Variants in STK36 observed in about 807,000 individuals in gnomAD.
The protein encoded by STK36 is serine/threonine kinase 36.
Under a neutral mutation model 142.2 loss-of-function variants are expected in STK36, and 116 were observed. The ratio of observed to expected loss-of-function variants is 0.82; its 90% CI spans 0.70 to 0.95. The LOEUF is 0.95. Among genes scored for constraint, STK36 ranks in the 40% least tolerant of loss-of-function variants. STK36 has a pLI of 0.00. For missense variants in STK36, 1,422 were observed against 1,617.2 expected (o/e 0.88, Z 2.07); for synonymous variants, 619 against 641.7 (o/e 0.96, Z 0.53).
rs573723267 is a variant in STK36, at chr2:218,702,493, A to G, written c.*484A>G. 1 of 154,082 alleles carries G rather than the reference A, an allele frequency of 6.5e-6. No homozygotes were observed. The highest frequency in any genetic ancestry group is 2.4e-5 in the African/African-American group (1 of 41,576). 9.5% of individuals were successfully genotyped at this position (154,082 alleles called of 1,614,324 possible). A position where few individuals can be genotyped will look rare whatever the true frequency, so the allele number is the denominator to read the frequency against. ...TTATTGAGGGATTATCCCTTAGCCA[A>G]CATTCCTATCTGTGGGTGGGCGTGG... On this transcript the variant is annotated 3_prime_UTR_variant, in exon 27 of 27. Coordinates refer to ENST00000295709, the MANE Select transcript of STK36 (RefSeq NM_015690.5).
Position 218,694,042 on chromosome 2 carries a change from C to A in STK36, c.2336+59C>A. Reference sequence around the variant, plus strand: ...CTTCTAGCCACATAGCTAACCCTCACAAAGAGTATGGGGAATGGTACCCTA... The same window carrying A: ...CTTCTAGCCACATAGCTAACCCTCAAAAAGAGTATGGGGAATGGTACCCTA... On this transcript the variant is annotated intron_variant, in intron 19 of 26. Transcript: ENST00000295709. The surrounding 1 kb of genome is among the most constrained non-coding windows in gnomAD (Gnocchi z 4.4). 1 of 1,522,068 alleles carries A rather than the reference C, an allele frequency of 6.6e-7. No homozygotes were observed. The highest frequency in any genetic ancestry group is 2.3e-5 in the East Asian group (1 of 44,400). 94.3% of individuals were successfully genotyped at this position (1,522,068 alleles called of 1,614,324 possible). A position where few individuals can be genotyped will look rare whatever the true frequency, so the allele number is the denominator to read the frequency against.
At chr2:218,698,045 AC>A (rs1340916668) in intron 25 of STK36, 44 bp downstream of exon 25, 6 of 1,611,934 alleles carry the variant, frequency 3.7e-6, no homozygotes, top group Middle Eastern at 3.3e-4. Flanking sequence ...AAGATAGCCA[AC>A]CTTGTATCCT....
rs1403502728 is a variant in STK36 at position 218,679,791 on chromosome 2, GAGGGTGACTTTCTAGGGTTGGAGA to G, written c.948+67_949-74del. On this transcript the variant is annotated intron_variant, in intron 8 of 26. Transcript: ENST00000295709. Reference sequence around the variant, plus strand: ...GCTAGTGACTGGGGAGTTAGAGGAGGAGGGTGACTTTCTAGGGTTGGAGAAGGGCCGTGAATAGCATTCATATTG... The same window carrying G: ...GCTAGTGACTGGGGAGTTAGAGGAGGAGGGCCGTGAATAGCATTCATATTG... The G allele has an allele frequency of 1.9e-6, 3 of 1,610,268 alleles. No homozygotes were observed. The African/African-American group carries it at 4.0e-5, about 22-fold the overall frequency.
chr2:218,691,811 G>A (rs1350967048), intron 14 of STK36, among the ~76,000 whole-genome samples: 1 of 152,108 alleles, frequency 6.6e-6, no homozygotes, highest in Admixed American at 6.5e-5. Context: ...ACCTGCCTCG[G>A]CCTCCCAATC....
In STK36 at chr2:218,673,643, A is replaced by C; in HGVS notation, c.103A>C (p.Ile35Leu). ...CTGACAGGTCGTGGCCCTGAAGTTCATCCCAAAATTGGGGCGCTCAGAGAA... is the reference window on the plus strand; with the variant it reads ...CTGACAGGTCGTGGCCCTGAAGTTCCTCCCAAAATTGGGGCGCTCAGAGAA... ...YSAQVVALKF[I>L]PKLGRSEKEL... Residue 35 changes from isoleucine (I) to leucine (L), a missense_variant, in exon 3 of 27, where the codon ATC (isoleucine) becomes CTC (leucine). By Grantham distance (5) the Ile-to-Leu change is conservative. This residue lies in a region of STK36 where 460 missense variants were observed against 449.6 expected (regional missense o/e 1.02). Transcript: ENST00000295709. The C allele has an allele frequency of 6.2e-7, 1 of 1,614,124 alleles. No homozygotes were observed. The highest frequency in any genetic ancestry group is 8.5e-7 in the Non-Finnish European group (1 of 1,180,012).
Position 218,694,218 on chromosome 2 carries a change from C to G in STK36, c.2337-46C>G. The G allele has an allele frequency of 6.5e-7, 1 of 1,544,762 alleles. No individual in the cohort carries two copies. The highest frequency in any genetic ancestry group is 9.0e-7 in the Non-Finnish European group (1 of 1,117,130). Reference sequence around the variant, plus strand: ...AGGGAGAGGGGAGGCCGCTTACCAACCTCCTTTAATACTGCTGCATCCCTT... The same window carrying G: ...AGGGAGAGGGGAGGCCGCTTACCAAGCTCCTTTAATACTGCTGCATCCCTT... On this transcript the variant is annotated intron_variant, in intron 19 of 26. Transcript: ENST00000295709. The surrounding 1 kb of genome is among the most constrained non-coding windows in gnomAD (Gnocchi z 4.4).
At chr2:218,684,914 A>G (rs932661152) in intron 10 of STK36, 171 bp from the exon 11 acceptor site, 2 of 725,194 alleles carry the variant, frequency 2.8e-6, no homozygotes, top group African/African-American at 3.6e-5. Context: ...GACCCCTCAC[A>G]GACTGCCAGC....
At chr2:218,673,520 C>CT (rs1280571767) in intron 2 of STK36, 105 bp from the exon 3 acceptor site, 7 of 1,433,356 alleles carry the variant, frequency 4.9e-6, no homozygotes, top group Non-Finnish European at 6.5e-6. Flanking sequence ...AAGAGTTACT[C>CT]AAACACTCTA....
chr2:218,682,826 C>T (rs1940587205), intron 10 of STK36, among the ~76,000 whole-genome samples: 1 of 152,058 alleles, frequency 6.6e-6, no homozygotes, highest in Non-Finnish European at 1.5e-5. Context: ...CTCCTGGACT[C>T]AAGTGGTCTG....
At chr2:218,686,618 C>T (rs557436538) in intron 11 of STK36, among the ~76,000 whole-genome samples, 54 of 152,186 alleles carry the variant, frequency 3.5e-4, no homozygotes, top group Middle Eastern at 3.4e-3. Flanking sequence ...GTTAGTATTC[C>T]GTTATATGGA....
At chr2:218,688,900 T>C (rs376371417) in intron 12 of STK36, 24 bp downstream of exon 12, 25 of 1,569,980 alleles carry the variant, frequency 1.6e-5, no homozygotes, top group South Asian at 5.9e-5. Flanking sequence ...CAGAAGCCTC[T>C]GAAGACTTAC....
intron 1 of STK36, 49 bp from the exon 2 acceptor site, chr2:218,672,692 A>T: frequency 1.3e-6 from 1 of 745,212 alleles, no homozygotes; most frequent in Non-Finnish European, 2.3e-6. Flanking sequence ...TGTGAAAAAG[A>T]GGAAAAGGCA....
intron 10 of STK36, among the ~76,000 whole-genome samples, chr2:218,680,969 C>T (rs1478206286): frequency 1.3e-5 from 2 of 152,206 alleles, no homozygotes; most frequent in African/African-American, 4.8e-5. Context: ...TCCTCCCAAA[C>T]TTTCTGTAAT....
chr2:218,685,733 T>C (rs1402695436), intron 11 of STK36, among the ~76,000 whole-genome samples: 1 of 152,190 alleles, frequency 6.6e-6, no homozygotes, highest in Admixed American at 6.5e-5. Flanking sequence ...CTTACTTTGC[T>C]CCTCTGAAAC....
chr2:218,672,308 G>T (rs1054890940), intron 1 of STK36, 93 bp downstream of exon 1: 4 of 411,280 alleles, frequency 9.7e-6, no homozygotes, highest in Non-Finnish European at 1.8e-5. Flanking sequence ...AAGAGATGGG[G>T]CTAAACGCCA....
intron 15 of STK36, 48 bp from the exon 16 acceptor site, chr2:218,692,535 G>T: frequency 6.3e-7 from 1 of 1,578,242 alleles, no homozygotes; most frequent in South Asian, 1.2e-5. Context: ...CTATTGTCTA[G>T]GGCAAGAGCC....
chr2:218,687,912 C>A (rs568705813), intron 11 of STK36, among the ~76,000 whole-genome samples: 4 of 152,300 alleles, frequency 2.6e-5, no homozygotes, highest in Non-Finnish European at 5.9e-5. Flanking sequence ...AATCCTAGCA[C>A]TTTGGGAGGC....
Position 218,679,882 on chromosome 2 carries a change from A to G in STK36, c.949-11A>G, listed in dbSNP as rs762052560. On this transcript the variant is annotated splice_polypyrimidine_tract_variant and intron_variant, in intron 8 of 26. Transcript: ENST00000295709. ...TAGCTCTGATTCAGTGTTGCCCCCT[A>G]CCTCCCACAGAAACATCAGAACACA... 2 of 1,611,536 alleles carry G rather than the reference A, an allele frequency of 1.2e-6. No individual in the cohort carries two copies. The highest frequency in any genetic ancestry group is 2.2e-5 in the South Asian group (2 of 90,876).
intron 5 of STK36, 108 bp from the exon 6 acceptor site, chr2:218,675,921 T>G (rs1049910901): frequency 9.7e-6 from 14 of 1,436,698 alleles, no homozygotes; most frequent in Non-Finnish European, 1.3e-5. Flanking sequence ...TGGAACCTAA[T>G]CAAAGGTGCT....
Sources: allele counts gnomAD v4.1 joint callset (sites outside exome capture counted in the v4.1 genomes callset), GRCh38; gene constraint gnomAD v4.1.1; regional missense constraint gnomAD v4.1.1; non-coding constraint Gnocchi (gnomAD v3.1); transcripts MANE v1.5; gene names NCBI Gene and HGNC (gene_info 2026-07-23, HGNC 2026-07-21).